The following TLCD4 variants were observed in gnomAD, a reference collection of about 807,000 sequenced individuals.
TLCD4 encodes the protein TLC domain containing 4.
Under a neutral mutation model 24.2 loss-of-function variants are expected in TLCD4, and 7 were observed. The observed-to-expected ratio is 0.29, with a 90% CI of 0.16 to 0.54. TLCD4 has a LOEUF of 0.54. Among genes scored for constraint, TLCD4 ranks in the 20% least tolerant of loss-of-function variants. The pLI, the probability that TLCD4 is intolerant of heterozygous loss-of-function variation, is 0.95. For missense variants in TLCD4, 259 were observed against 313.9 expected (o/e 0.82, Z 1.32); for synonymous variants, 103 against 106.4 (o/e 0.97, Z 0.20).
At chr1:95,166,531 A>G (rs1678021838) in intron 5 of TLCD4, among the ~76,000 whole-genome samples, 11 of 152,202 alleles carry the variant, frequency 7.2e-5, no homozygotes, top group Admixed American at 7.2e-4. Context: ...ATAGTAAAAT[A>G]GCAGTGTTCA....
the TLCD4 span, among the ~76,000 whole-genome samples, chr1:95,100,171 T>C: frequency 1.3e-5 from 2 of 152,114 alleles, no homozygotes; most frequent in Non-Finnish European, 2.9e-5. Flanking sequence ...AAAAAAATCT[T>C]ATTGTCACTA....
Position 95,197,066 on chromosome 1 carries a change from C to G in TLCD4, c.*5198C>G, listed in dbSNP as rs988888222. The stretch of plus-strand genomic sequence containing the variant: ...ATATATATAGATACATAGATATATA[C>G]TTTTTTCTGAGAATGTATAATATAT... On this transcript the variant is annotated 3_prime_UTR_variant, in exon 7 of 7. Transcript: ENST00000370203. The G allele has an allele frequency of 6.6e-6, 1 of 151,902 alleles. No individual in the cohort carries two copies. Among genetic ancestry groups the G allele is most frequent in the Admixed American group, 6.6e-5 (1 of 15,248 alleles). 9.4% of individuals were successfully genotyped at this position (151,902 alleles called of 1,614,324 possible). A position where few individuals can be genotyped will look rare whatever the true frequency, so the allele number is the denominator to read the frequency against.
In TLCD4 at chr1:95,186,390, A is replaced by T. The variant is rs553820980; in HGVS notation, c.474-5160A>T. On this transcript the variant is annotated intron_variant, in intron 6 of 6. Coordinates refer to ENST00000370203, the MANE Select transcript of TLCD4 (RefSeq NM_152487.3). The stretch of plus-strand genomic sequence containing the variant: ...ACTGGAGATCAGCAGAGTGGGTGAG[A>T]TAGATGAAGTGGCAAGAGAACGGAG... Among the ~76,000 whole-genome samples the T allele has an allele frequency of 5.9e-5, 9 of 152,344 alleles. No individual in the cohort carries two copies. The East Asian group carries it at 1.5e-3, about 26-fold the overall frequency.
chr1:95,148,048 A>G (rs896671182), intron 2 of TLCD4, among the ~76,000 whole-genome samples: 2 of 152,204 alleles, frequency 1.3e-5, no homozygotes, highest in African/African-American at 4.8e-5. Context: ...AATTTTCCGT[A>G]TACATTTATG....
chr1:95,113,744 C>T (rs1676381254), upstream of TLCD4, among the ~76,000 whole-genome samples: 1 of 151,942 alleles, frequency 6.6e-6, no homozygotes, highest in Non-Finnish European at 1.5e-5. Context: ...GCAAAAAGAA[C>T]ATAAAAAGAT....
Position 95,121,361 on chromosome 1 carries a change from A to G in TLCD4, c.-12+3744A>G, listed in dbSNP as rs543940628. Among the ~76,000 whole-genome samples, 4 of 152,288 alleles carry G rather than the reference A, an allele frequency of 2.6e-5. No individual in the cohort carries two copies. In the South Asian group the frequency reaches 8.3e-4, roughly 32 times the overall value. ...GTAGGAGGCTCACACCTCCCCTCAC[A>G]ATTTTGAGAAGTTGGAGCAGAAGCA... On this transcript the variant is annotated intron_variant, in intron 1 of 6. Transcript: ENST00000370203.
chr1:95,169,445 A>C (rs964285314), intron 5 of TLCD4, among the ~76,000 whole-genome samples: 5 of 152,214 alleles, frequency 3.3e-5, no homozygotes, highest in Non-Finnish European at 7.3e-5. Flanking sequence ...TGTTTAGATG[A>C]ACATAACATC....
chr1:95,133,402 A>G (rs1255376728), intron 1 of TLCD4, among the ~76,000 whole-genome samples: 1 of 151,972 alleles, frequency 6.6e-6, no homozygotes, highest in African/African-American at 2.4e-5. Flanking sequence ...AAAAGAGCCA[A>G]TAGAAAGAGC....
chr1:95,145,435 G>A (rs965817412), intron 2 of TLCD4, among the ~76,000 whole-genome samples: 12 of 151,606 alleles, frequency 7.9e-5, no homozygotes, highest in Admixed American at 4.6e-4. Flanking sequence ...GTGATGTATC[G>A]GGTTCATACA....
At chr1:95,173,925 T>A in intron 6 of TLCD4, 36 bp downstream of exon 6, 3 of 1,612,510 alleles carry the variant, frequency 1.9e-6, no homozygotes, top group Non-Finnish European at 2.5e-6. Flanking sequence ...TTTAAAGTCA[T>A]GCTGTTTATT....
At chr1:95,187,877 T>C (rs990422519) in intron 6 of TLCD4, among the ~76,000 whole-genome samples, 5 of 151,924 alleles carry the variant, frequency 3.3e-5, no homozygotes. Flanking sequence ...GTGAGGCGCC[T>C]CTCCTCTTCT....
Position 95,131,466 on chromosome 1 carries a change from G to T in TLCD4, c.-11-12425G>T, listed in dbSNP as rs966057531. 2.6e-5 allele frequency among the ~76,000 whole-genome samples: 4 copies of T among 152,178 alleles called. No homozygotes were observed. In the South Asian group the frequency reaches 8.3e-4, roughly 31 times the overall value. On this transcript the variant is annotated intron_variant, in intron 1 of 6. Coordinates refer to ENST00000370203, the MANE Select transcript of TLCD4 (RefSeq NM_152487.3). ...TGAGGCTGGAGAAGATGGAGTCCTC[G>T]TAAGAGCATTGAGAAACAAATGAAG...
chr1:95,191,093 A>G (rs898312064), intron 6 of TLCD4, among the ~76,000 whole-genome samples: 3 of 152,056 alleles, frequency 2.0e-5, no homozygotes, highest in Non-Finnish European at 4.4e-5. Context: ...TGGAAGTTTT[A>G]TAGTTTTGCA....
intron 5 of TLCD4, among the ~76,000 whole-genome samples, chr1:95,158,290 C>T (rs1008435452): frequency 1.3e-4 from 19 of 150,122 alleles, no homozygotes; most frequent in African/African-American, 3.2e-4. Context: ...CAGGGCCAAG[C>T]GATCTGCCTG....
the TLCD4 span, among the ~76,000 whole-genome samples, chr1:95,099,896 C>T: frequency 4.0e-5 from 6 of 151,530 alleles, no homozygotes; most frequent in African/African-American, 1.5e-4. Flanking sequence ...CTTTGGGAGG[C>T]TGAGGCAGGC....
intron 1 of TLCD4, among the ~76,000 whole-genome samples, chr1:95,123,601 C>A (rs1676628284): frequency 6.6e-6 from 1 of 152,186 alleles, no homozygotes; most frequent in South Asian, 2.1e-4. Flanking sequence ...CCCACCCTGG[C>A]TAGTTTCACT....
the TLCD4 span, among the ~76,000 whole-genome samples, chr1:95,108,037 T>C: frequency 6.6e-6 from 1 of 152,122 alleles, no homozygotes; most frequent in Non-Finnish European, 1.5e-5. Context: ...ATGAAGACCA[T>C]TTATAATGTG....
At chr1:95,155,087 T>C (rs896702714) in intron 5 of TLCD4, among the ~76,000 whole-genome samples, 1 of 151,742 alleles carries the variant, frequency 6.6e-6, no homozygotes, top group Non-Finnish European at 1.5e-5. Context: ...CCTTTGGTGG[T>C]AGAACAGTCA....
At chr1:95,125,107 C>G (rs1049357628) in intron 1 of TLCD4, among the ~76,000 whole-genome samples, 1 of 152,212 alleles carries the variant, frequency 6.6e-6, no homozygotes, top group African/African-American at 2.4e-5. Context: ...TTATCTGGAT[C>G]TGAACTTCCA....
Sources: gnomAD v4.1 joint callset for allele counts (sites outside exome capture counted in the v4.1 genomes callset) on GRCh38, gnomAD v4.1.1 for gene constraint, MANE v1.5 for transcripts, NCBI Gene and HGNC (gene_info 2026-07-23, HGNC 2026-07-21) for gene names.